The following ADGRV1 variants were observed in gnomAD, a reference collection of about 807,000 sequenced individuals.
ADGRV1 encodes adhesion G protein-coupled receptor V1.
In ADGRV1, 359 loss-of-function variants were observed where a neutral mutation model predicts 596.2. That is an observed-to-expected ratio of 0.60 (90% CI 0.55 to 0.66). ADGRV1 has a LOEUF of 0.66. ADGRV1 is among the 30% of genes least tolerant of loss of function. The pLI is 0.00. For missense variants in ADGRV1, 7,274 were observed against 7,575.6 expected, an observed-to-expected ratio of 0.96 and a Z score of 1.48; for synonymous variants, 2,681 against 2,679.2, an observed-to-expected ratio of 1.00 and a Z score of -0.02.
At chr5:90,837,470 A>C (rs917469558) in intron 77 of ADGRV1, among the ~76,000 whole-genome samples, 70 of 150,220 alleles carry the variant, frequency 4.7e-4, no homozygotes, top group African/African-American at 1.7e-3. Flanking sequence ...TCCTGGGTTC[A>C]AGCTATTCTC....
At chr5:90,877,585 G>A (rs532703325) in intron 83 of ADGRV1, among the ~76,000 whole-genome samples, 1 of 140,126 alleles carries the variant, frequency 7.1e-6, no homozygotes, top group Non-Finnish European at 1.6e-5. Flanking sequence ...TCAGTGTGTG[G>A]TTTTTTTTTT....
At chr5:90,757,453 T>C (rs1450333730) in intron 57 of ADGRV1, among the ~76,000 whole-genome samples, 2 of 152,190 alleles carry the variant, frequency 1.3e-5, no homozygotes, top group Non-Finnish European at 2.9e-5. Context: ...TAACAATGTA[T>C]AGAAAACTGT....
chr5:90,571,222 G>A (rs1756486115), intron 1 of ADGRV1, among the ~76,000 whole-genome samples: 2 of 151,970 alleles, frequency 1.3e-5, no homozygotes, highest in Non-Finnish European at 2.9e-5. Flanking sequence ...CTGGGAAACA[G>A]TAAGTCTCCC....
intron 85 of ADGRV1, among the ~76,000 whole-genome samples, chr5:90,995,865 C>T (rs577879593): frequency 5.7e-4 from 87 of 152,272 alleles, no homozygotes; most frequent in Non-Finnish European, 9.7e-4. Flanking sequence ...ATTGTGCCCC[C>T]GCTCTAGGGC....
chr5:90,672,161 T>C (rs1420676233), intron 21 of ADGRV1, among the ~76,000 whole-genome samples: 2 of 152,214 alleles, frequency 1.3e-5, no homozygotes, highest in Admixed American at 6.5e-5. Flanking sequence ...GAGCCCATTA[T>C]AAAATTGCAA....
intron 85 of ADGRV1, among the ~76,000 whole-genome samples, chr5:90,988,678 A>G (rs999397544): frequency 6.6e-6 from 1 of 152,000 alleles, no homozygotes; most frequent in Non-Finnish European, 1.5e-5. Flanking sequence ...TTTAGGGTAC[A>G]TGTGCACAAC....
chr5:90,651,630 G>T lies in ADGRV1; in HGVS notation c.3316G>T (p.Val1106Leu). 4 of 1,598,936 alleles carry T rather than the reference G, an allele frequency of 2.5e-6. No individual in the cohort carries two copies. The highest frequency in any genetic ancestry group is 3.4e-6 in the Non-Finnish European group (4 of 1,167,116). Reference sequence around the variant, plus strand: ...TGATACAGTAGTATATCAATATGGAGTAGCTACAGTAATAATTGAAGCTAA... The same window carrying T: ...TGATACAGTAGTATATCAATATGGATTAGCTACAGTAATAATTGAAGCTAA... The part of the protein sequence containing the change: ...TGDTVVYQYG[V>L]ATVIIEANDD... The change falls in exon 18 of 90, where the codon GTA becomes TTA. Residue 1106 changes from valine (V) to leucine (L), a missense_variant. By Grantham distance (32) the Val-to-Leu change is conservative. Transcript: ENST00000405460.
At chr5:90,903,281 C>A (rs1772018807) in intron 83 of ADGRV1, among the ~76,000 whole-genome samples, 1 of 151,974 alleles carries the variant, frequency 6.6e-6, no homozygotes, top group East Asian at 1.9e-4. Flanking sequence ...AAAGTCATTA[C>A]TCCAAAATAT....
chr5:90,710,131 C>T (rs1391130307), intron 39 of ADGRV1, among the ~76,000 whole-genome samples: 1 of 152,170 alleles, frequency 6.6e-6, no homozygotes, highest in Non-Finnish European at 1.5e-5. Flanking sequence ...GTTCTTTTCA[C>T]TCTACAGAGA....
intron 42 of ADGRV1, 134 bp from the exon 43 acceptor site, chr5:90,716,333 A>G (rs968496790): frequency 3.9e-6 from 2 of 514,126 alleles, no homozygotes; most frequent in East Asian, 3.1e-5. Context: ...AAATTCTGTC[A>G]TTTTTAAGAT....
intron 83 of ADGRV1, among the ~76,000 whole-genome samples, chr5:90,941,137 TA>T (rs11322873): frequency 0.48 from 71,352 of 148,466 alleles, 17,993 homozygotes; most frequent in African/African-American, 0.54. Flanking sequence ...GAAAAGTACT[TA>T]AAAAAAAAAA....
In ADGRV1 at chr5:91,150,211, C is replaced by T. The variant is rs1227817721; in HGVS notation, c.18614C>T (p.Ala6205Val). 3 of 1,570,804 alleles carry T rather than the reference C, an allele frequency of 1.9e-6. No homozygotes were observed. The highest frequency in any genetic ancestry group is 2.6e-6 in the Non-Finnish European group (3 of 1,158,554). The change falls in exon 88 of 90, where the codon GCT becomes GTT. Residue 6205 changes from alanine (A) to valine (V), a missense_variant. This residue lies in a region of ADGRV1 where 1,874 missense variants were observed against 1,970.2 expected (regional missense o/e 0.95). Transcript: ENST00000405460. ...ISKSTQNLIG[A>V]MEEVPPDWER... ...AAGTCCACCCAGAATCTCATCGGTG[C>T]TATGGAGGAGGTGTCTGCCCTTGCC...
rs140622268 is a variant in ADGRV1, at chr5:90,990,329, T to C, written c.18152+4807T>C. 1.3e-3 allele frequency among the ~76,000 whole-genome samples: 195 copies of C among 152,304 alleles called. 1 individual carries two copies. Among genetic ancestry groups the C allele is most frequent in the African/African-American group, 4.4e-3 (183 of 41,564 alleles). ...ATAAATCCTAAGATTGTACTAATTA[T>C]ACTATATTGAAAATATTTGTTTATG... is the stretch of plus-strand genomic sequence containing the variant. On this transcript the variant is annotated intron_variant, in intron 85 of 89. Coordinates refer to ENST00000405460, the MANE Select transcript of ADGRV1 (RefSeq NM_032119.4).
intron 1 of ADGRV1, among the ~76,000 whole-genome samples, chr5:90,572,496 C>T (rs1756656715): frequency 6.6e-6 from 1 of 152,022 alleles, no homozygotes; most frequent in Admixed American, 6.6e-5. Context: ...ACCAATGGAA[C>T]AAAATAGAAA....
At chr5:90,860,712 G>T (rs1392000676) in intron 82 of ADGRV1, among the ~76,000 whole-genome samples, 1 of 147,102 alleles carries the variant, frequency 6.8e-6, no homozygotes, top group Non-Finnish European at 1.5e-5. Flanking sequence ...TAATACATTA[G>T]GTGGTATAAT....
At chr5:91,135,034 T>C (rs1203336504) in intron 87 of ADGRV1, among the ~76,000 whole-genome samples, 1 of 151,948 alleles carries the variant, frequency 6.6e-6, no homozygotes, top group African/African-American at 2.4e-5. Flanking sequence ...AAACAAAAAT[T>C]AGCTGGGCAT....
intron 82 of ADGRV1, among the ~76,000 whole-genome samples, chr5:90,863,478 T>G (rs1248593009): frequency 1.3e-5 from 2 of 152,084 alleles, no homozygotes; most frequent in African/African-American, 4.8e-5. Context: ...AAAAAAGGGG[T>G]AATTACCAAA....
chr5:90,652,066 A>T (rs1440482547), intron 18 of ADGRV1, among the ~76,000 whole-genome samples: 1 of 151,694 alleles, frequency 6.6e-6, no homozygotes, highest in African/African-American at 2.4e-5. Flanking sequence ...TTGCTTTTGG[A>T]AAACTTTTTC....
intron 4 of ADGRV1, among the ~76,000 whole-genome samples, chr5:90,619,835 A>G (rs1354504253): frequency 3.4e-5 from 5 of 145,818 alleles, no homozygotes; most frequent in Non-Finnish European, 7.4e-5. Context: ...CCCACCTATG[A>G]GTGAGAACAT....
Sources: gnomAD v4.1 joint callset for allele counts (sites outside exome capture counted in the v4.1 genomes callset) on GRCh38, gnomAD v4.1.1 for gene constraint, gnomAD v4.1.1 regional missense constraint, MANE v1.5 for transcripts, NCBI Gene and HGNC (gene_info 2026-07-23, HGNC 2026-07-21) for gene names.